The following PNPT1 variants were observed in gnomAD, a reference collection of about 807,000 sequenced individuals.
PNPT1 encodes the protein polyribonucleotide nucleotidyltransferase 1, also known as polyribonucleotide nucleotidyltransferase 1, mitochondrial.
Under a neutral mutation model 119.5 loss-of-function variants are expected in PNPT1, and 53 were observed. The observed-to-expected ratio is 0.44, with a 90% confidence interval of 0.36 to 0.56. The LOEUF is 0.56. Ranked by LOEUF, PNPT1 falls within the 20% of genes least tolerant of loss-of-function variation. The probability of loss-of-function intolerance (pLI) is 0.00; values close to 1 mark genes in which losing one functional copy is unlikely to be tolerated. For missense variants in PNPT1, 948 were observed against 938.5 expected (o/e 1.01, Z -0.13); for synonymous variants, 357 against 322.1 (o/e 1.11, Z -1.16).
chr2:55,686,957 G>A (rs1434119129), intron 2 of PNPT1, among the ~76,000 whole-genome samples: 1 of 152,134 alleles, frequency 6.6e-6, no homozygotes, highest in African/African-American at 2.4e-5. Flanking sequence ...GCTCACGTCT[G>A]TAATCCCAGC....
Position 55,643,394 on chromosome 2 carries a change from C to T in PNPT1, c.1938G>A (p.Thr646=), listed in dbSNP as rs201681772. 1,358 of 1,614,020 alleles carry T rather than the reference C, an allele frequency of 8.4e-4. 3 individuals carry two copies. The highest frequency in any genetic ancestry group is 9.4e-4 in the Non-Finnish European group (1,104 of 1,180,008). The change falls in exon 24 of 28, where the codon ACG becomes ACA. Residue 646 remains threonine (T), a synonymous_variant. Transcript: ENST00000447944. ...TGGGTGTTGGTGCAAATACAGAAAA[C>T]GTTTCTTCATCCACCTGACTAATAG... The part of the protein sequence containing the change: ...GVTISQVDEE[T]FSVFAPTPSA...
In PNPT1 at chr2:55,654,916, T is replaced by G. The variant is rs1308336641; in HGVS notation, c.1479A>C (p.Leu493Phe). ...TTCTTTTACCTGAATCCATTAATGC[T>G]AAACTTCCGCCACATGCAGATGCCA... ...SSMASACGGS[L>F]ALMDSGVPIS... Residue 493 changes from leucine (L) to phenylalanine (F), a missense_variant, in exon 18 of 28, where the codon TTA (leucine) becomes TTC (phenylalanine). Leu to Phe is a conservative substitution (Grantham distance 22, BLOSUM62 0). Coordinates refer to ENST00000447944, the MANE Select transcript of PNPT1 (RefSeq NM_033109.5). 1 of 1,613,592 alleles carries G rather than the reference T, an allele frequency of 6.2e-7. No individual in the cohort carries two copies. The highest frequency in any genetic ancestry group is 2.2e-5 in the East Asian group (1 of 44,842).
intron 18 of PNPT1, among the ~76,000 whole-genome samples, chr2:55,652,974 A>G (rs899734823): frequency 6.6e-6 from 1 of 152,152 alleles, no homozygotes; most frequent in Non-Finnish European, 1.5e-5. Flanking sequence ...CAGCCTCCCA[A>G]GTAGCTGGGA....
chr2:55,685,178 G>A, intron 3 of PNPT1, 130 bp from the exon 4 acceptor site: 1 of 588,022 alleles, frequency 1.7e-6, no homozygotes, highest in Non-Finnish European at 2.6e-6. Flanking sequence ...TATTTACTTA[G>A]CATTTTGTAT....
chr2:55,681,066 T>C (rs1435326977), intron 5 of PNPT1, 148 bp from the exon 6 acceptor site: 3 of 654,524 alleles, frequency 4.6e-6, no homozygotes, highest in East Asian at 2.7e-5. Context: ...ATGCTTGACA[T>C]TGGATAAATT....
Position 55,669,614 on chromosome 2 carries a change from A to G in PNPT1, c.977-1656T>C, listed in dbSNP as rs142953130. On this transcript the variant is annotated intron_variant, in intron 11 of 27. Coordinates refer to ENST00000447944, the MANE Select transcript of PNPT1 (RefSeq NM_033109.5). ...GTGAAGATATTCTACTATGTATAAT[A>G]CAAACAAAAAGTCACTATTCTTTTA... is the stretch of plus-strand genomic sequence containing the variant. 3.2e-3 allele frequency among the ~76,000 whole-genome samples: 491 copies of G among 152,352 alleles called. 2 individuals are homozygous for G. Among genetic ancestry groups the G allele is most frequent in the African/African-American group, 0.011 (475 of 41,588 alleles).
At chr2:55,641,030 C>G (rs1434612414) in intron 25 of PNPT1, among the ~76,000 whole-genome samples, 1 of 151,966 alleles carries the variant, frequency 6.6e-6, no homozygotes. Flanking sequence ...TCAACTCCAC[C>G]CTGGCCAACA....
At chr2:55,663,674 T>G (rs1442216404) in intron 13 of PNPT1, among the ~76,000 whole-genome samples, 1 of 151,774 alleles carries the variant, frequency 6.6e-6, no homozygotes, top group Admixed American at 6.6e-5. Context: ...CAGAAAAACA[T>G]GGAGAACAAA....
intron 8 of PNPT1, among the ~76,000 whole-genome samples, chr2:55,674,647 T>C (rs1174330882): frequency 6.6e-6 from 1 of 152,200 alleles, no homozygotes; most frequent in Non-Finnish European, 1.5e-5. Flanking sequence ...AATAAGCTTT[T>C]CTTTCCCTCT....
intron 18 of PNPT1, among the ~76,000 whole-genome samples, chr2:55,651,007 G>C (rs1431819905): frequency 7.0e-6 from 1 of 143,034 alleles, no homozygotes. Context: ...GCCTCTGCCC[G>C]GCCGCCCCTA....
Position 55,634,147 on chromosome 2 carries a change from T to C in PNPT1, c.*2090A>G, listed in dbSNP as rs925418015. ...AGTATATCAACATTGCCTAACATGCTATTTTACACACAATAGATATATAAT... is the reference window on the plus strand; with the variant it reads ...AGTATATCAACATTGCCTAACATGCCATTTTACACACAATAGATATATAAT... On this transcript the variant is annotated 3_prime_UTR_variant, in exon 28 of 28. Transcript: ENST00000447944. The C allele has an allele frequency of 5.3e-5, 8 of 152,220 alleles. No individual in the cohort carries two copies. Among genetic ancestry groups the C allele is most frequent in the African/African-American group, 1.9e-4 (8 of 41,466 alleles). 9.4% of individuals were successfully genotyped at this position (152,220 alleles called of 1,614,324 possible).
chr2:55,639,878 C>A (rs750679542), intron 26 of PNPT1, among the ~76,000 whole-genome samples: 1 of 152,074 alleles, frequency 6.6e-6, no homozygotes, highest in Non-Finnish European at 1.5e-5. Context: ...CTTTTCCTAC[C>A]ACCTTTTTTA....
chr2:55,682,939 G>A (rs1448230096), intron 5 of PNPT1, among the ~76,000 whole-genome samples: 1 of 152,062 alleles, frequency 6.6e-6, no homozygotes, highest in Admixed American at 6.6e-5. Context: ...AACTTCCTGA[G>A]GCTAAGGCTG....
chr2:55,677,378 G>C (rs1161898901), intron 8 of PNPT1, among the ~76,000 whole-genome samples: 1 of 152,096 alleles, frequency 6.6e-6, no homozygotes, highest in African/African-American at 2.4e-5. Flanking sequence ...CAGATCACTT[G>C]AGGCCAGGAA....
At chr2:55,656,431 A>G in intron 15 of PNPT1, 60 bp from the exon 16 acceptor site, 2 of 1,431,172 alleles carry the variant, frequency 1.4e-6, no homozygotes, top group Non-Finnish European at 1.9e-6. Context: ...TGTCCAAGTT[A>G]TATTACCAAA....
chr2:55,690,967 C>A (rs782582), intron 1 of PNPT1, among the ~76,000 whole-genome samples: 2 of 152,214 alleles, frequency 1.3e-5, no homozygotes, highest in African/African-American at 4.8e-5. Flanking sequence ...AAATGTAAAT[C>A]TGACATCTTG....
At chr2:55,692,442 T>C (rs575383550) in intron 1 of PNPT1, among the ~76,000 whole-genome samples, 1 of 152,274 alleles carries the variant, frequency 6.6e-6, no homozygotes, top group East Asian at 1.9e-4. Flanking sequence ...TTTTTCAAAG[T>C]ACACGTAAAA....
At chr2:55,649,467 C>G (rs1696106273) in intron 18 of PNPT1, among the ~76,000 whole-genome samples, 1 of 152,156 alleles carries the variant, frequency 6.6e-6, no homozygotes, top group South Asian at 2.1e-4. Flanking sequence ...AGAAAGCTGT[C>G]CTTTACCCTA....
chr2:55,650,893 G>A (rs373008219), intron 18 of PNPT1, among the ~76,000 whole-genome samples: 4,394 of 151,360 alleles, frequency 0.029, 59 homozygotes, highest in South Asian at 0.083. Context: ...CCGGCAGGGA[G>A]GTGGGGGGGT....
Sources: gnomAD v4.1 joint callset for allele counts (sites outside exome capture counted in the v4.1 genomes callset) on GRCh38, gnomAD v4.1.1 for gene constraint, MANE v1.5 for transcripts, NCBI Gene and HGNC (gene_info 2026-07-23, HGNC 2026-07-21) for gene names.